SH3GL2: variants seen among roughly 807,000 people sequenced by gnomAD.
SH3GL2 encodes endophilin-A1.
SH3GL2 carries 24 observed loss-of-function variants against 46.0 expected under a neutral mutation model. That is an observed-to-expected ratio of 0.52 (90% CI 0.38 to 0.73). The LOEUF (loss-of-function observed/expected upper bound fraction) is 0.73, where lower values mean the gene tolerates loss of function less well. Ranked by LOEUF, SH3GL2 falls within the 30% of genes least tolerant of loss-of-function variation. The pLI, the probability that SH3GL2 is intolerant of heterozygous loss-of-function variation, is 0.00. For synonymous variants in SH3GL2, 196 were observed against 147.1 expected, an observed-to-expected ratio of 1.33 and a Z score of -2.40; for missense variants, 413 against 424.2, an observed-to-expected ratio of 0.97 and a Z score of 0.23.
At chr9:17,736,478 CAT>C (rs913253126) in intron 1 of SH3GL2, among the ~76,000 whole-genome samples, 1 of 152,096 alleles carries the variant, frequency 6.6e-6, no homozygotes, top group Admixed American at 6.6e-5. Flanking sequence ...GCAGTCTCTT[CAT>C]ATCTCTTTCT....
chr9:17,587,242 C>G (rs975243404), intron 1 of SH3GL2, among the ~76,000 whole-genome samples: 1 of 152,042 alleles, frequency 6.6e-6, no homozygotes, highest in Non-Finnish European at 1.5e-5. Flanking sequence ...GAAATAATGT[C>G]CACAGTGAAT....
At chr9:17,752,060 C>CT (rs1358882620) in intron 2 of SH3GL2, among the ~76,000 whole-genome samples, 1 of 152,178 alleles carries the variant, frequency 6.6e-6, no homozygotes, top group African/African-American at 2.4e-5. Flanking sequence ...TCACAGCATT[C>CT]TAATAACCTT....
intron 1 of SH3GL2, among the ~76,000 whole-genome samples, chr9:17,621,630 C>G (rs988948964): frequency 6.6e-6 from 1 of 152,140 alleles, no homozygotes; most frequent in Non-Finnish European, 1.5e-5. Flanking sequence ...CAGGATGATA[C>G]TTCAAGTTTG....
intron 1 of SH3GL2, among the ~76,000 whole-genome samples, chr9:17,681,127 G>A (rs1820755810): frequency 6.6e-6 from 1 of 151,944 alleles, no homozygotes; most frequent in African/African-American, 2.4e-5. Context: ...AGCTTTCAAG[G>A]AATCAAAAAG....
chr9:17,737,596 G>A (rs574625501), intron 1 of SH3GL2, among the ~76,000 whole-genome samples: 5 of 152,160 alleles, frequency 3.3e-5, no homozygotes, highest in East Asian at 3.9e-4. Context: ...CTCCTTGCCC[G>A]TCCTCTGAGC....
chr9:17,788,810 T>C (rs1370005449), intron 5 of SH3GL2, among the ~76,000 whole-genome samples: 1 of 152,146 alleles, frequency 6.6e-6, no homozygotes, highest in Non-Finnish European at 1.5e-5. Context: ...GCTGCATCAG[T>C]CAGCTGGGGC....
chr9:17,648,215 A>G (rs1819873738), intron 1 of SH3GL2, among the ~76,000 whole-genome samples: 1 of 152,142 alleles, frequency 6.6e-6, no homozygotes, highest in African/African-American at 2.4e-5. Context: ...AAGGGGATTG[A>G]TGTCCCTAAT....
chr9:17,613,228 A>G (rs534543891), intron 1 of SH3GL2, among the ~76,000 whole-genome samples: 33 of 152,344 alleles, frequency 2.2e-4, no homozygotes, highest in African/African-American at 6.0e-4. Flanking sequence ...TAGTAGAAGT[A>G]TTGTTAAATG....
chr9:17,728,828 G>T (rs551588266), intron 1 of SH3GL2, among the ~76,000 whole-genome samples: 10 of 152,248 alleles, frequency 6.6e-5, no homozygotes, highest in Non-Finnish European at 1.3e-4. Context: ...TGGCTGCATA[G>T]TATTCCATGG....
At chr9:17,745,880 C>T (rs965826815) in intron 1 of SH3GL2, among the ~76,000 whole-genome samples, 10 of 151,988 alleles carry the variant, frequency 6.6e-5, no homozygotes, top group South Asian at 2.1e-4. Flanking sequence ...TATCTGTGTG[C>T]GATAACTTTA....
intron 1 of SH3GL2, among the ~76,000 whole-genome samples, chr9:17,598,208 A>T (rs1000207633): frequency 2.0e-5 from 3 of 152,138 alleles, no homozygotes; most frequent in African/African-American, 7.2e-5. Context: ...CAAAAAGTGA[A>T]CAGGGTACTA....
At chr9:17,754,508 C>G (rs1822934712) in intron 2 of SH3GL2, among the ~76,000 whole-genome samples, 1 of 151,922 alleles carries the variant, frequency 6.6e-6, no homozygotes, top group Non-Finnish European at 1.5e-5. Context: ...CCTGACTCTA[C>G]TAAATATACA....
At position 17,641,538 on chromosome 9, in the gene SH3GL2, C is replaced by A. The variant is rs143874395; in HGVS notation, c.45+62251C>A. Among the ~76,000 whole-genome samples, 92 of 152,044 alleles carry A rather than the reference C, an allele frequency of 6.1e-4. No individual in the cohort carries two copies. The East Asian group carries it at 0.017, about 28-fold the overall frequency. On this transcript the variant is annotated intron_variant, in intron 1 of 8. Coordinates refer to ENST00000380607, the MANE Select transcript of SH3GL2 (RefSeq NM_003026.5). ...CATGTGCCATGGTAGTTTGCTGCAC[C>A]CATCAACCCGTCATCTACATTAGGT...
At chr9:17,758,018 G>C (rs977273648) in intron 2 of SH3GL2, among the ~76,000 whole-genome samples, 14 of 152,234 alleles carry the variant, frequency 9.2e-5, no homozygotes, top group African/African-American at 2.6e-4. Context: ...AAATTAGTCA[G>C]CCTCCTACTG....
intron 1 of SH3GL2, among the ~76,000 whole-genome samples, chr9:17,584,647 G>A (rs1248924933): frequency 6.6e-6 from 1 of 152,172 alleles, no homozygotes; most frequent in Non-Finnish European, 1.5e-5. Flanking sequence ...GCAATCAAAT[G>A]TAAAAAACCT....
intron 1 of SH3GL2, among the ~76,000 whole-genome samples, chr9:17,702,707 TATTC>T (rs1487147821): frequency 6.6e-6 from 1 of 152,134 alleles, no homozygotes; most frequent in Non-Finnish European, 1.5e-5. Context: ...GATTCCCTAA[TATTC>T]ATGATGATTT....
chr9:17,708,442 T>A (rs3808692), intron 1 of SH3GL2, among the ~76,000 whole-genome samples: 10,607 of 152,092 alleles, frequency 0.07, 508 homozygotes, highest in Admixed American at 0.14. Context: ...AGTAGAGCAA[T>A]TCCAGTTTGA....
chr9:17,724,807 C>T (rs1022330937), intron 1 of SH3GL2, among the ~76,000 whole-genome samples: 3 of 152,244 alleles, frequency 2.0e-5, no homozygotes, highest in Non-Finnish European at 1.5e-5. Flanking sequence ...TGTCCCTGCT[C>T]AAATTTGTTT....
rs548520460 is a variant in SH3GL2, at chr9:17,752,139, A to G, written c.114+5005A>G. Among the ~76,000 whole-genome samples, 23 of 152,328 alleles carry G rather than the reference A, an allele frequency of 1.5e-4. 1 individual carries two copies. The South Asian group carries it at 4.4e-3, about 29-fold the overall frequency. On this transcript the variant is annotated intron_variant, in intron 2 of 8. Transcript: ENST00000380607. ...CTGAAAACATAAGATAATGCTTTAA[A>G]TCAAAGCAGCTTGGGGACAGATGGA...
Sources: gnomAD v4.1 joint callset for allele counts (sites outside exome capture counted in the v4.1 genomes callset) on GRCh38, gnomAD v4.1.1 for gene constraint, MANE v1.5 for transcripts, NCBI Gene and HGNC (gene_info 2026-07-23, HGNC 2026-07-21) for gene names.